The following DENND1B variants were observed in gnomAD, a reference collection of about 807,000 sequenced individuals.
DENND1B encodes the protein DENN domain-containing protein 1B.
Under a neutral mutation model 90.1 loss-of-function variants are expected in DENND1B, and 59 were observed. That is an observed-to-expected ratio of 0.65 (90% CI 0.53 to 0.81). The LOEUF (loss-of-function observed/expected upper bound fraction) is 0.81. Ranked by LOEUF, DENND1B falls within the 40% of genes least tolerant of loss-of-function variation. The pLI is 0.00. For synonymous variants in DENND1B, 337 were observed against 324.6 expected (o/e 1.04, Z -0.41); for missense variants, 862 against 912.6 (o/e 0.94, Z 0.71).
intron 13 of DENND1B, among the ~76,000 whole-genome samples, chr1:197,598,245 G>T (rs1247144599): frequency 1.3e-5 from 2 of 151,730 alleles, no homozygotes; most frequent in Non-Finnish European, 2.9e-5. Context: ...GGCTTCAATT[G>T]TCAGTACATC....
At chr1:197,702,489 A>G (rs2102163350) in intron 3 of DENND1B, among the ~76,000 whole-genome samples, 1 of 152,310 alleles carries the variant, frequency 6.6e-6, no homozygotes, top group East Asian at 1.9e-4. Flanking sequence ...TGATTATATT[A>G]TGTAGTACAT....
At chr1:197,515,745 T>C (rs1458730025) in intron 20 of DENND1B, among the ~76,000 whole-genome samples, 1 of 151,794 alleles carries the variant, frequency 6.6e-6, no homozygotes, top group Non-Finnish European at 1.5e-5. Context: ...GTCAAGCCTT[T>C]GACACTAAAC....
At chr1:197,600,351 T>A (rs1338771311) in intron 13 of DENND1B, among the ~76,000 whole-genome samples, 1 of 151,782 alleles carries the variant, frequency 6.6e-6, no homozygotes, top group Non-Finnish European at 1.5e-5. Flanking sequence ...GTTTCCAACA[T>A]CCCTTGGAAC....
At position 197,510,220 on chromosome 1, in the gene DENND1B, G is replaced by T. The variant is rs2125589103; in HGVS notation, c.*240C>A. On this transcript the variant is annotated 3_prime_UTR_variant, in exon 23 of 23. Transcript: ENST00000620048. ...GCACCAAACACTGGGAAATCTCATGGTCAATACATACTTTAAACATACATA... is the reference window on the plus strand; with the variant it reads ...GCACCAAACACTGGGAAATCTCATGTTCAATACATACTTTAAACATACATA... The T allele has an allele frequency of 4.1e-6, 2 of 491,216 alleles. No individual in the cohort carries two copies. Among genetic ancestry groups the T allele is most frequent in the Non-Finnish European group, 7.1e-6 (2 of 281,286 alleles). The allele number at this position is 491,216 out of a possible 1,614,324, so 30.4% of individuals were successfully genotyped here.
chr1:197,557,392 T>C (rs1671803866), intron 15 of DENND1B, among the ~76,000 whole-genome samples: 1 of 151,906 alleles, frequency 6.6e-6, no homozygotes, highest in Non-Finnish European at 1.5e-5. Context: ...AAATAATCCA[T>C]CCATTTCAGA....
chr1:197,645,232 T>C (rs1680627286), intron 9 of DENND1B, among the ~76,000 whole-genome samples: 1 of 152,102 alleles, frequency 6.6e-6, no homozygotes, highest in Non-Finnish European at 1.5e-5. Flanking sequence ...ACAGTTCATC[T>C]ACGATTTGAA....
At chr1:197,645,258 A>C (rs566817069) in intron 9 of DENND1B, among the ~76,000 whole-genome samples, 1 of 152,066 alleles carries the variant, frequency 6.6e-6, no homozygotes, top group East Asian at 1.9e-4. Context: ...ATATACAAGG[A>C]ATATAAAATA....
intron 15 of DENND1B, among the ~76,000 whole-genome samples, chr1:197,561,051 T>C (rs1672119922): frequency 6.6e-6 from 1 of 151,942 alleles, no homozygotes; most frequent in Non-Finnish European, 1.5e-5. Flanking sequence ...TCCTTCTCTC[T>C]TCTGAATATA....
rs568165273 is a variant in DENND1B, at chr1:197,623,130, C to T, written c.673-5371G>A. The stretch of plus-strand genomic sequence containing the variant: ...ACTTCAGCTAGAGTTATAGGAGTTA[C>T]TGCAGGGTTAAATGAGTTACTGAGG... On this transcript the variant is annotated intron_variant, in intron 10 of 22. Coordinates refer to ENST00000620048, the MANE Select transcript of DENND1B (RefSeq NM_001195215.2). Among the ~76,000 whole-genome samples the T allele has an allele frequency of 2.4e-4, 36 of 151,470 alleles. No homozygotes were observed. In the East Asian group the frequency reaches 5.5e-3, roughly 23 times the overall value.
chr1:197,516,022 C>T (rs563433032), intron 20 of DENND1B, among the ~76,000 whole-genome samples: 7 of 151,900 alleles, frequency 4.6e-5, no homozygotes, highest in South Asian at 2.1e-4. Flanking sequence ...CAAACATCTA[C>T]GTCATGATAT....
At chr1:197,749,085 C>A (rs1277359127) in intron 2 of DENND1B, among the ~76,000 whole-genome samples, 1 of 151,804 alleles carries the variant, frequency 6.6e-6, no homozygotes, top group Non-Finnish European at 1.5e-5. Context: ...ATAATTGAAA[C>A]TGTACAAACC....
chr1:197,718,842 T>C (rs2102259443), intron 2 of DENND1B, among the ~76,000 whole-genome samples: 1 of 152,154 alleles, frequency 6.6e-6, no homozygotes, highest in East Asian at 1.9e-4. Flanking sequence ...GAATGTAGAC[T>C]AAGAGGGAGA....
At chr1:197,724,474 T>A (rs1425878631) in intron 2 of DENND1B, among the ~76,000 whole-genome samples, 1 of 152,090 alleles carries the variant, frequency 6.6e-6, no homozygotes, top group Non-Finnish European at 1.5e-5. Context: ...TAGGAATGGA[T>A]CCTGTCACCC....
intron 3 of DENND1B, among the ~76,000 whole-genome samples, chr1:197,709,839 A>C (rs1457285701): frequency 1.4e-5 from 2 of 141,670 alleles, no homozygotes; most frequent in Non-Finnish European, 3.0e-5. Context: ...AACCCATCTC[A>C]CGTGCAGAGA....
chr1:197,614,249 T>G (rs1315059647), intron 11 of DENND1B, among the ~76,000 whole-genome samples: 1 of 151,042 alleles, frequency 6.6e-6, no homozygotes, highest in Non-Finnish European at 1.5e-5. Context: ...TCTCCACATG[T>G]TCTCTTCTCA....
Position 197,507,875 on chromosome 1 carries a change from A to G in DENND1B, c.*2585T>C, listed in dbSNP as rs1333172370. The G allele has an allele frequency of 6.6e-6, 1 of 151,682 alleles. No homozygotes were observed. The highest frequency in any genetic ancestry group is 1.9e-4 in the East Asian group (1 of 5,156). The allele number at this position is 151,682 out of a possible 1,614,324, so 9.4% of individuals were successfully genotyped here. On this transcript the variant is annotated 3_prime_UTR_variant, in exon 23 of 23. Transcript: ENST00000620048. ...TGAAATACAAATACTTGGTAGTATTATTCTGGATGTTTTTAAAGAATAACA... is the reference window on the plus strand; with the variant it reads ...TGAAATACAAATACTTGGTAGTATTGTTCTGGATGTTTTTAAAGAATAACA...
chr1:197,770,127 T>C (rs1294694421), intron 2 of DENND1B, among the ~76,000 whole-genome samples: 1 of 152,184 alleles, frequency 6.6e-6, no homozygotes, highest in Non-Finnish European at 1.5e-5. Flanking sequence ...AGGTTACTGC[T>C]GCTTACATGG....
intron 10 of DENND1B, among the ~76,000 whole-genome samples, chr1:197,620,488 T>C (rs926850972): frequency 2.0e-5 from 3 of 151,320 alleles, no homozygotes; most frequent in Non-Finnish European, 4.4e-5. Flanking sequence ...ACATTCTTTA[T>C]TTTTAGATCA....
At chr1:197,541,081 C>G in intron 18 of DENND1B, 66 bp from the exon 19 acceptor site, 8 of 1,359,210 alleles carry the variant, frequency 5.9e-6, no homozygotes, top group Non-Finnish European at 8.3e-6. Context: ...AATAAGTATA[C>G]AAGATCAAAT....
Sources: allele counts gnomAD v4.1 joint callset (sites outside exome capture counted in the v4.1 genomes callset), GRCh38; gene constraint gnomAD v4.1.1; transcripts MANE v1.5; gene names NCBI Gene and HGNC (gene_info 2026-07-23, HGNC 2026-07-21).